The following NECAB1 variants were observed in gnomAD, a reference collection of about 807,000 sequenced individuals.
NECAB1 encodes the protein N-terminal EF-hand calcium binding protein 1.
Under a neutral mutation model 57.5 loss-of-function variants are expected in NECAB1, and 29 were observed. That is an observed-to-expected ratio of 0.50 (90% CI 0.38 to 0.69). The LOEUF is 0.69. NECAB1 is among the 30% of genes least tolerant of loss of function. The probability of loss-of-function intolerance (pLI) is 0.00; values close to 1 mark genes in which losing one functional copy is unlikely to be tolerated. For missense variants in NECAB1, 372 were observed against 413.8 expected (o/e 0.90, Z 0.88); for synonymous variants, 142 against 147.7 (o/e 0.96, Z 0.28).
At chr8:90,878,915 C>A (rs567473728) in intron 4 of NECAB1, among the ~76,000 whole-genome samples, 54 of 148,252 alleles carry the variant, frequency 3.6e-4, no homozygotes, top group African/African-American at 8.4e-4. Flanking sequence ...ACCTCTCTCT[C>A]TCTATATATA....
At chr8:90,851,145 G>T (rs1812674132) in intron 3 of NECAB1, among the ~76,000 whole-genome samples, 1 of 152,182 alleles carries the variant, frequency 6.6e-6, no homozygotes, top group South Asian at 2.1e-4. Flanking sequence ...CTGGGAAAGT[G>T]GTATACCCGA....
chr8:90,836,687 C>T (rs1812375406), intron 3 of NECAB1, among the ~76,000 whole-genome samples: 1 of 152,158 alleles, frequency 6.6e-6, no homozygotes, highest in African/African-American at 2.4e-5. Context: ...GTTTGTCAGA[C>T]TTGACAACCA....
chr8:90,863,377 C>T (rs1294168930), intron 3 of NECAB1, among the ~76,000 whole-genome samples: 4 of 152,088 alleles, frequency 2.6e-5, no homozygotes, highest in Non-Finnish European at 4.4e-5. Flanking sequence ...AAAGTATAAA[C>T]ATGCCCTAAA....
intron 5 of NECAB1, among the ~76,000 whole-genome samples, chr8:90,906,889 A>ATATATATATG (rs1809677192): frequency 2.7e-5 from 2 of 72,860 alleles, no homozygotes; most frequent in African/African-American, 1.1e-4. Flanking sequence ...ATATATATAT[A>ATATATATATG]TATATATATA....
chr8:90,821,809 G>A (rs954493588), intron 2 of NECAB1, among the ~76,000 whole-genome samples: 13 of 151,728 alleles, frequency 8.6e-5, no homozygotes, highest in African/African-American at 3.1e-4. Context: ...ACAAAACACA[G>A]TTTTTTGGCA....
intron 5 of NECAB1, among the ~76,000 whole-genome samples, chr8:90,894,910 A>G (rs1294355472): frequency 1.7e-4 from 26 of 152,190 alleles, no homozygotes; most frequent in Admixed American, 1.7e-3. Flanking sequence ...TAAGTGCTTC[A>G]TGAGACTTCC....
chr8:90,934,374 G>T lies in NECAB1; in HGVS notation c.747+17G>T. On this transcript the variant is annotated intron_variant, in intron 9 of 12. Transcript: ENST00000417640. ...ACTAAATCTGTAAGTATTTTTATCAGGTAAAAATGTTAGAAATATATTCTT... is the reference window on the plus strand; with the variant it reads ...ACTAAATCTGTAAGTATTTTTATCATGTAAAAATGTTAGAAATATATTCTT... The T allele has an allele frequency of 7.2e-7, 1 of 1,393,698 alleles. No individual in the cohort carries two copies. Among genetic ancestry groups the T allele is most frequent in the South Asian group, 1.5e-5 (1 of 67,812 alleles). 86.3% of individuals were successfully genotyped at this position (1,393,698 alleles called of 1,614,324 possible). A position where few individuals can be genotyped will look rare whatever the true frequency, so the allele number is the denominator to read the frequency against.
rs146252708 is a variant in NECAB1, at chr8:90,832,751, A to C, written c.233+7926A>C. On this transcript the variant is annotated intron_variant, in intron 3 of 12. Coordinates refer to ENST00000417640, the MANE Select transcript of NECAB1 (RefSeq NM_022351.5). ...TACAGTTAAGCAATCTGATACAAAA[A>C]GTTAAATAACTTGCCCAAAGTTACA... Among the ~76,000 whole-genome samples, 501 of 152,290 alleles carry C rather than the reference A, an allele frequency of 3.3e-3. 4 individuals are homozygous for C. Among genetic ancestry groups the C allele is most frequent in the African/African-American group, 0.011 (469 of 41,574 alleles).
At chr8:90,871,542 T>G (rs978983773) in intron 3 of NECAB1, among the ~76,000 whole-genome samples, 1 of 152,188 alleles carries the variant, frequency 6.6e-6, no homozygotes, top group African/African-American at 2.4e-5. Flanking sequence ...TATTTTGTTT[T>G]AGAAATCATA....
chr8:90,867,914 C>G lies in NECAB1; in HGVS notation c.234-4214C>G, dbSNP rs113710061. On this transcript the variant is annotated intron_variant, in intron 3 of 12. Transcript: ENST00000417640. ...TCTGATATGGTTTGGCTCTATGTCC[C>G]CACTCAAATCTCATGTTGAATTATA... Among the ~76,000 whole-genome samples, 296 of 152,208 alleles carry G rather than the reference C, an allele frequency of 1.9e-3. 1 individual carries two copies. Among genetic ancestry groups the G allele is most frequent in the African/African-American group, 6.9e-3 (287 of 41,522 alleles).
At chr8:90,889,603 G>T (rs1809102589) in intron 5 of NECAB1, among the ~76,000 whole-genome samples, 1 of 152,212 alleles carries the variant, frequency 6.6e-6, no homozygotes, top group East Asian at 1.9e-4. Context: ...GGTCCTTGAG[G>T]AGTTGCTTTT....
rs566124076 is a variant in NECAB1 at position 90,906,912 on chromosome 8, T to G, written c.358-10580T>G. Among the ~76,000 whole-genome samples the G allele has an allele frequency of 5.3e-4, 76 of 143,844 alleles. 2 individuals carry two copies. The East Asian group carries it at 9.6e-3, about 18-fold the overall frequency. The allele number at this position is 143,844 out of a possible 152,430, so 94.4% of individuals were successfully genotyped here. ...ATATATATATATATATATATATATC[T>G]TCTCACTTTATTGCTCTGGCTGGAG... On this transcript the variant is annotated intron_variant, in intron 5 of 12. Transcript: ENST00000417640.
At chr8:90,906,619 C>T (rs983111839) in intron 5 of NECAB1, among the ~76,000 whole-genome samples, 1 of 151,952 alleles carries the variant, frequency 6.6e-6, no homozygotes, top group Non-Finnish European at 1.5e-5. Flanking sequence ...CTTTGTTGTA[C>T]ATTCAAATAA....
At chr8:90,940,739 G>C in intron 9 of NECAB1, 47 bp from the exon 10 acceptor site, 13 of 1,428,832 alleles carry the variant, frequency 9.1e-6, no homozygotes, top group Non-Finnish European at 1.3e-5. Context: ...AGCTTAAATC[G>C]GGCTCCGTGA....
chr8:90,861,522 A>G (rs989482847), intron 3 of NECAB1, among the ~76,000 whole-genome samples: 1 of 152,142 alleles, frequency 6.6e-6, no homozygotes, highest in African/African-American at 2.4e-5. Flanking sequence ...AATCAATTCC[A>G]TATGGTTAAG....
At position 90,942,902 on chromosome 8, in the gene NECAB1, A is replaced by G. The variant is rs115066710; in HGVS notation, c.860+2004A>G. Among the ~76,000 whole-genome samples, 452 of 152,208 alleles carry G rather than the reference A, an allele frequency of 3.0e-3. 1 individual carries two copies. The highest frequency in any genetic ancestry group is 6.6e-3 in the African/African-American group (276 of 41,546). ...GTTTCAAAAAAAAAGAAAAATGCAA[A>G]CAGTACCTATATATACACCGTTCAC... On this transcript the variant is annotated intron_variant, in intron 10 of 12. Coordinates refer to ENST00000417640, the MANE Select transcript of NECAB1 (RefSeq NM_022351.5).
At chr8:90,845,136 CA>C (rs1396771998) in intron 3 of NECAB1, among the ~76,000 whole-genome samples, 1 of 152,164 alleles carries the variant, frequency 6.6e-6, no homozygotes, top group Non-Finnish European at 1.5e-5. Context: ...TTGCAGAGGG[CA>C]ATCTACTTTG....
intron 1 of NECAB1, among the ~76,000 whole-genome samples, chr8:90,795,054 G>A (rs976696793): frequency 3.3e-5 from 5 of 152,198 alleles, no homozygotes; most frequent in Admixed American, 1.3e-4. Flanking sequence ...ACTGGGTCCT[G>A]GCAACACATA....
chr8:90,917,555 A>T lies in NECAB1; in HGVS notation c.421A>T (p.Asn141Tyr), dbSNP rs1406226730. ...TAGATTTTTATTGAAGGAAACCCTG[A>T]ATCAGCTGCAGTCTCTCCAGAATTC... ...VTRFLLKETL[N>Y]QLQSLQNSLE... Residue 141 changes from asparagine to tyrosine, a missense_variant, in exon 6 of 13, where the codon AAT (asparagine) becomes TAT (tyrosine). Physicochemically the swap from Asn to Tyr is moderately radical, Grantham distance 143 (BLOSUM62 -2). Transcript: ENST00000417640. 4 of 1,612,278 alleles carry T rather than the reference A, an allele frequency of 2.5e-6. No individual in the cohort carries two copies. The highest frequency in any genetic ancestry group is 3.4e-6 in the Non-Finnish European group (4 of 1,178,966).
Sources: gnomAD v4.1 joint callset for allele counts (sites outside exome capture counted in the v4.1 genomes callset) on GRCh38, gnomAD v4.1.1 for gene constraint, MANE v1.5 for transcripts, NCBI Gene and HGNC (gene_info 2026-07-23, HGNC 2026-07-21) for gene names.